The following ZNF423 variants were observed in gnomAD, a reference collection of about 807,000 sequenced individuals.
ZNF423 encodes zinc finger protein 423, also known as Ebf-associated zinc finger protein.
Under a neutral mutation model 95.8 loss-of-function variants are expected in ZNF423, and 12 were observed. That is an observed-to-expected ratio of 0.13 (90% confidence interval 0.08 to 0.20). The LOEUF is 0.20. ZNF423 is among the 10% of genes least tolerant of loss of function. The pLI is 1.00. For missense variants in ZNF423, 1,316 were observed against 1,737.1 expected (o/e 0.76, Z 4.31); for synonymous variants, 749 against 711.9 (o/e 1.05, Z -0.83).
At chr16:49,612,074 C>T (rs964095688) in intron 5 of ZNF423, among the ~76,000 whole-genome samples, 6 of 152,050 alleles carry the variant, frequency 3.9e-5, no homozygotes, top group Admixed American at 3.3e-4. Flanking sequence ...AGAATCAACA[C>T]CAATTCTACA....
At chr16:49,665,380 G>A (rs981248408) in intron 3 of ZNF423, among the ~76,000 whole-genome samples, 15 of 152,276 alleles carry the variant, frequency 9.9e-5, no homozygotes, top group South Asian at 2.1e-4. Flanking sequence ...CCTAGGTGGA[G>A]GGACAACATT....
intron 1 of ZNF423, among the ~76,000 whole-genome samples, chr16:49,803,436 C>T (rs1306723419): frequency 1.3e-5 from 2 of 151,982 alleles, no homozygotes; most frequent in East Asian, 3.9e-4. Flanking sequence ...CAAGCCTGTT[C>T]GATAATATTC....
At position 49,498,292 on chromosome 16, in the gene ZNF423, G is replaced by A. The variant is rs1967243307; in HGVS notation, c.3850-6988C>T. On this transcript the variant is annotated intron_variant, in intron 7 of 7. Transcript: ENST00000563137. ...GGCCCAGGTCCTGCCACTGGTGATG[G>A]CAGTGCTGGGTCTGCACCCATGCAG... is the stretch of plus-strand genomic sequence containing the variant. Among the ~76,000 whole-genome samples, 6 of 152,226 alleles carry A rather than the reference G, an allele frequency of 3.9e-5. No individual in the cohort carries two copies. In the South Asian group the frequency reaches 1.2e-3, roughly 32 times the overall value.
intron 7 of ZNF423, among the ~76,000 whole-genome samples, chr16:49,520,496 T>C (rs1423336493): frequency 5.3e-5 from 8 of 152,230 alleles, no homozygotes; most frequent in Admixed American, 1.3e-4. Flanking sequence ...TAAACTTCTA[T>C]TCCTGCAGCA....
At chr16:49,577,700 G>A (rs530573968) in intron 5 of ZNF423, among the ~76,000 whole-genome samples, 2 of 152,336 alleles carry the variant, frequency 1.3e-5, no homozygotes, top group East Asian at 3.9e-4. Flanking sequence ...GCCACAGGCA[G>A]TGCCGACCCT....
rs547925958 is a variant in ZNF423 at position 49,828,230 on chromosome 16, T to C, written c.40+27505A>G. The stretch of plus-strand genomic sequence containing the variant: ...ACACCACTTACGGGAGGCTCAGCCA[T>C]CGCTGCTTAGAATCTCACTTGTCCT... On this transcript the variant is annotated intron_variant, in intron 1 of 7. Transcript: ENST00000563137. Among the ~76,000 whole-genome samples, 30 of 152,332 alleles carry C rather than the reference T, an allele frequency of 2.0e-4. 1 individual carries two copies. Among genetic ancestry groups the C allele is most frequent in the Middle Eastern group, 3.4e-3 (1 of 294 alleles).
intron 3 of ZNF423, among the ~76,000 whole-genome samples, chr16:49,719,623 G>C (rs1260477965): frequency 6.6e-6 from 1 of 152,100 alleles, no homozygotes; most frequent in Non-Finnish European, 1.5e-5. Context: ...AGTCTCACAA[G>C]ATGTGGTTGT....
At chr16:49,595,295 G>A (rs9938606) in intron 5 of ZNF423, among the ~76,000 whole-genome samples, 1 of 152,034 alleles carries the variant, frequency 6.6e-6, no homozygotes, top group African/African-American at 2.4e-5. Flanking sequence ...CATTGTCCCT[G>A]GACATACTTC....
intron 5 of ZNF423, among the ~76,000 whole-genome samples, chr16:49,562,279 T>C (rs572135296): frequency 1.3e-5 from 2 of 152,222 alleles, no homozygotes; most frequent in African/African-American, 2.4e-5. Flanking sequence ...ATCAGACAGG[T>C]CTCAGTCCCA....
chr16:49,642,851 C>T (rs1245474489), intron 3 of ZNF423, among the ~76,000 whole-genome samples: 1 of 139,998 alleles, frequency 7.1e-6, no homozygotes, highest in Non-Finnish European at 1.5e-5. Context: ...GAAGGAGTCT[C>T]GCCCTGTGGC....
intron 3 of ZNF423, among the ~76,000 whole-genome samples, chr16:49,651,986 G>A (rs62031862): frequency 0.22 from 33,706 of 152,168 alleles, 4,036 homozygotes; most frequent in Non-Finnish European, 0.25. Context: ...TACAATCCCA[G>A]GACATCAGCC....
rs551312637 is a variant in ZNF423, at chr16:49,527,159, C to T, written c.3602-1665G>A. ...TCCCCCGCACCCCCGGGCACCCCAC[C>T]GCAGAGGCGCACACACACACGTGCA... On this transcript the variant is annotated intron_variant, in intron 5 of 7. Transcript: ENST00000563137. Among the ~76,000 whole-genome samples the T allele has an allele frequency of 1.4e-3, 220 of 152,290 alleles. 1 individual carries two copies. The highest frequency in any genetic ancestry group is 2.6e-3 in the Non-Finnish European group (174 of 68,002).
chr16:49,690,222 C>T (rs572779657), intron 3 of ZNF423, among the ~76,000 whole-genome samples: 8 of 152,288 alleles, frequency 5.3e-5, no homozygotes, highest in Admixed American at 2.0e-4. Context: ...CTCACAAATA[C>T]GTTAACTGCT....
chr16:49,559,190 G>A (rs1439985867), intron 5 of ZNF423, among the ~76,000 whole-genome samples: 1 of 152,226 alleles, frequency 6.6e-6, no homozygotes, highest in Non-Finnish European at 1.5e-5. Context: ...GTCCCAGAGA[G>A]GTCTACTGAC....
chr16:49,644,479 A>T (rs1230530150), intron 3 of ZNF423, among the ~76,000 whole-genome samples: 1 of 145,276 alleles, frequency 6.9e-6, no homozygotes, highest in Non-Finnish European at 1.5e-5. Flanking sequence ...ATATAGCAAG[A>T]CCCTGTCTCT....
chr16:49,589,559 C>A (rs1434075746), intron 5 of ZNF423, among the ~76,000 whole-genome samples: 4 of 151,914 alleles, frequency 2.6e-5, no homozygotes, highest in Admixed American at 2.6e-4. Context: ...TTCAGATAAA[C>A]CTTTTGTTCT....
chr16:49,756,629 G>C (rs2033732048), intron 2 of ZNF423, among the ~76,000 whole-genome samples: 1 of 152,162 alleles, frequency 6.6e-6, no homozygotes, highest in Non-Finnish European at 1.5e-5. Context: ...TTGGACCCAG[G>C]GAAGCTTCAA....
intron 7 of ZNF423, among the ~76,000 whole-genome samples, chr16:49,512,367 C>G (rs989723749): frequency 3.3e-5 from 5 of 152,234 alleles, no homozygotes; most frequent in African/African-American, 1.2e-4. Context: ...ATGCTGGGAG[C>G]TTTTCAGGCA....
intron 1 of ZNF423, among the ~76,000 whole-genome samples, chr16:49,809,696 G>C (rs1241692637): frequency 6.6e-6 from 1 of 152,220 alleles, no homozygotes; most frequent in African/African-American, 2.4e-5. Flanking sequence ...GGGACCCCCG[G>C]GTGGGTTAGC....
Sources: gnomAD v4.1 joint callset for allele counts (sites outside exome capture counted in the v4.1 genomes callset) on GRCh38, gnomAD v4.1.1 for gene constraint, MANE v1.5 for transcripts, NCBI Gene and HGNC (gene_info 2026-07-23, HGNC 2026-07-21) for gene names.